Variants in KIAA1549L observed in about 807,000 individuals in gnomAD.
KIAA1549L encodes the protein KIAA1549 like.
A neutral mutation model predicts 160.7 loss-of-function variants in KIAA1549L; 88 were observed. That is an observed-to-expected ratio of 0.55 (90% CI 0.46 to 0.65). The LOEUF is 0.65. KIAA1549L is among the 30% of genes least tolerant of loss of function. KIAA1549L has a pLI of 0.00. For missense variants in KIAA1549L, 2,258 were observed against 2,437.5 expected (o/e 0.93, Z 1.55); for synonymous variants, 950 against 976.7 (o/e 0.97, Z 0.51).
intron 1 of KIAA1549L, among the ~76,000 whole-genome samples, chr11:33,472,262 G>A (rs1423881034): frequency 3.4e-5 from 5 of 147,338 alleles, no homozygotes; most frequent in African/African-American, 1.0e-4. Flanking sequence ...ACAGGCACAT[G>A]CCTCATGCCT....
At chr11:33,459,834 G>A (rs1195419866) in intron 1 of KIAA1549L, among the ~76,000 whole-genome samples, 1 of 149,066 alleles carries the variant, frequency 6.7e-6, no homozygotes, top group Non-Finnish European at 1.5e-5. Context: ...AGTGGCGGGC[G>A]CCTGTAGTCC....
rs776432536 is a variant in KIAA1549L at position 33,542,576 on chromosome 11, GTT to G, written c.1014_1015del (p.Ser339IlefsTer68). The G allele has an allele frequency of 6.2e-7, 1 of 1,613,742 alleles. No individual in the cohort carries two copies. The highest frequency in any genetic ancestry group is 8.5e-7 in the Non-Finnish European group (1 of 1,179,822). On this transcript the variant is annotated frameshift_variant, in exon 2 of 21. Transcript: ENST00000658780. LOFTEE classifies it high-confidence loss of function. ...CCAACAGAGGGTCCCCATTCAGCAG[GTT>G]CATCCACACCTGGGTTTTTGAGCCC... is the stretch of plus-strand genomic sequence containing the variant.
chr11:33,524,402 G>T (rs1356015142), intron 1 of KIAA1549L, among the ~76,000 whole-genome samples: 1 of 151,672 alleles, frequency 6.6e-6, no homozygotes, highest in Non-Finnish European at 1.5e-5. Flanking sequence ...TCTTCCAAAA[G>T]ACCCAAAGAG....
At chr11:33,407,957 G>A (rs545054324) in intron 1 of KIAA1549L, among the ~76,000 whole-genome samples, 4 of 152,062 alleles carry the variant, frequency 2.6e-5, no homozygotes, top group African/African-American at 7.2e-5. Flanking sequence ...GGAATGACCC[G>A]TTCCTGCAGG....
chr11:33,439,569 ATTTTTTTTT>A (rs34456047), intron 1 of KIAA1549L, among the ~76,000 whole-genome samples: 2 of 123,988 alleles, frequency 1.6e-5, no homozygotes, highest in African/African-American at 3.1e-5. Flanking sequence ...TGCCCGGCTA[ATTTTTTTTT>A]TTTTTTTTTT....
At chr11:33,466,249 T>C (rs1852055559) in intron 1 of KIAA1549L, among the ~76,000 whole-genome samples, 1 of 152,156 alleles carries the variant, frequency 6.6e-6, no homozygotes, top group Non-Finnish European at 1.5e-5. Flanking sequence ...ATCCAGAATC[T>C]ACAAAGAACT....
rs867941358 is a variant in KIAA1549L at position 33,590,050 on chromosome 11, G to A, written c.4567-1187G>A. On this transcript the variant is annotated intron_variant, in intron 11 of 20. Coordinates refer to ENST00000658780, the MANE Select transcript of KIAA1549L (RefSeq NM_012194.3). ...ACCTGGACTATGATTTATCAGGAAA[G>A]CAAAAGTAATAACTAATATTGATTG... Among the ~76,000 whole-genome samples, 4 of 152,222 alleles carry A rather than the reference G, an allele frequency of 2.6e-5. No individual in the cohort carries two copies. In the South Asian group the frequency reaches 8.3e-4, roughly 32 times the overall value.
chr11:33,616,423 C>T (rs1850809982), intron 15 of KIAA1549L, among the ~76,000 whole-genome samples: 1 of 152,200 alleles, frequency 6.6e-6, no homozygotes, highest in Admixed American at 6.5e-5. Context: ...TCACTGTGGC[C>T]ATGGGGATGT....
At chr11:33,655,801 C>T (rs1252341451) in intron 17 of KIAA1549L, among the ~76,000 whole-genome samples, 1 of 152,058 alleles carries the variant, frequency 6.6e-6, no homozygotes, top group Non-Finnish European at 1.5e-5. Flanking sequence ...GTTGGAGGGC[C>T]CTGTAAGTAC....
At chr11:33,636,326 A>G (rs1429972681) in intron 16 of KIAA1549L, among the ~76,000 whole-genome samples, 1 of 151,438 alleles carries the variant, frequency 6.6e-6, no homozygotes, top group Non-Finnish European at 1.5e-5. Flanking sequence ...AGGTTGCTAC[A>G]ATCTCTGGTA....
At chr11:33,664,385 C>T (rs975296137) in intron 20 of KIAA1549L, among the ~76,000 whole-genome samples, 5 of 152,216 alleles carry the variant, frequency 3.3e-5, no homozygotes, top group African/African-American at 1.2e-4. Context: ...CAGGAACCTG[C>T]CTTCTCAGGA....
chr11:33,508,718 A>G (rs893418346), intron 1 of KIAA1549L, among the ~76,000 whole-genome samples: 5 of 152,174 alleles, frequency 3.3e-5, no homozygotes, highest in Admixed American at 6.5e-5. Context: ...AGAAGTAGGT[A>G]CATTTACTGT....
At chr11:33,415,527 G>T (rs1850870772) in intron 1 of KIAA1549L, among the ~76,000 whole-genome samples, 1 of 152,168 alleles carries the variant, frequency 6.6e-6, no homozygotes. Flanking sequence ...TCCTGTTGCA[G>T]TGGAAGGCGT....
intron 1 of KIAA1549L, among the ~76,000 whole-genome samples, chr11:33,479,769 A>G (rs1218201827): frequency 6.6e-6 from 1 of 152,318 alleles, no homozygotes; most frequent in East Asian, 1.9e-4. Context: ...ACAGGAGCCA[A>G]TGCCGGGCAC....
intron 20 of KIAA1549L, among the ~76,000 whole-genome samples, chr11:33,664,005 C>T (rs1191235997): frequency 6.6e-6 from 1 of 152,118 alleles, no homozygotes; most frequent in East Asian, 1.9e-4. Flanking sequence ...TTTGGTGAGC[C>T]CAATAACCTG....
intron 1 of KIAA1549L, among the ~76,000 whole-genome samples, chr11:33,517,667 C>A (rs1853379342): frequency 6.6e-6 from 1 of 152,204 alleles, no homozygotes; most frequent in East Asian, 1.9e-4. Context: ...ATAAATGCTT[C>A]TATTTCTGGA....
intron 1 of KIAA1549L, among the ~76,000 whole-genome samples, chr11:33,527,350 A>T (rs1212259142): frequency 6.6e-6 from 1 of 152,188 alleles, no homozygotes; most frequent in South Asian, 2.1e-4. Context: ...GGGAAAGGAT[A>T]CCTTATTCAA....
intron 1 of KIAA1549L, among the ~76,000 whole-genome samples, chr11:33,504,604 A>T (rs768829126): frequency 3.3e-5 from 5 of 152,022 alleles, no homozygotes; most frequent in African/African-American, 4.8e-5. Context: ...AATAGCTGGG[A>T]CTACAGGTGT....
chr11:33,499,513 G>A (rs1215404561), intron 1 of KIAA1549L, among the ~76,000 whole-genome samples: 1 of 152,200 alleles, frequency 6.6e-6, no homozygotes, highest in Non-Finnish European at 1.5e-5. Flanking sequence ...GCACAGAATA[G>A]GTGTTCAATA....
Sources: allele counts gnomAD v4.1 joint callset (sites outside exome capture counted in the v4.1 genomes callset), GRCh38; gene constraint gnomAD v4.1.1; transcripts MANE v1.5; gene names NCBI Gene and HGNC (gene_info 2026-07-23, HGNC 2026-07-21).